The following GALNTL6 variants were observed in gnomAD, a reference collection of about 807,000 sequenced individuals.
The protein encoded by GALNTL6 is polypeptide N-acetylgalactosaminyltransferase like 6.
In GALNTL6, 46 loss-of-function variants were observed where a neutral mutation model predicts 73.7. The observed-to-expected ratio is 0.62, with a 90% CI of 0.49 to 0.80. The LOEUF is 0.80. Among genes scored for constraint, GALNTL6 ranks in the 30% least tolerant of loss-of-function variants. The pLI, the probability that GALNTL6 is intolerant of heterozygous loss-of-function variation, is 0.00. For synonymous variants in GALNTL6, 259 were observed against 263.7 expected (o/e 0.98, Z 0.17); for missense variants, 604 against 755.0 (o/e 0.80, Z 2.34).
At chr4:172,429,049 A>T (rs536931615) in intron 5 of GALNTL6, among the ~76,000 whole-genome samples, 174 of 152,192 alleles carry the variant, frequency 1.1e-3, no homozygotes, top group African/African-American at 4.2e-3. Context: ...ACGTCTTCTC[A>T]CTGTCTTCAC....
chr4:172,699,329 T>A (rs918888870), intron 5 of GALNTL6, among the ~76,000 whole-genome samples: 1 of 152,204 alleles, frequency 6.6e-6, no homozygotes, highest in Non-Finnish European at 1.5e-5. Context: ...TTTTCATAAA[T>A]GTATGTGTGT....
At chr4:172,847,147 T>C (rs17318218) in intron 7 of GALNTL6, among the ~76,000 whole-genome samples, 75,018 of 152,082 alleles carry the variant, frequency 0.49, 21,905 homozygotes, top group East Asian at 0.91. Context: ...ACTTGACCTA[T>C]GGCAAACATG....
At chr4:172,841,937 G>T (rs985966802) in intron 7 of GALNTL6, among the ~76,000 whole-genome samples, 1 of 152,144 alleles carries the variant, frequency 6.6e-6, no homozygotes, top group Non-Finnish European at 1.5e-5. Context: ...GATAATAACA[G>T]CTGCCATTCA....
At position 172,484,008 on chromosome 4, in the gene GALNTL6, G is replaced by A. The variant is rs559638972; in HGVS notation, c.553+135319G>A. 9.9e-5 allele frequency among the ~76,000 whole-genome samples: 15 copies of A among 152,262 alleles called. No homozygotes were observed. The East Asian group carries it at 1.9e-3, about 20-fold the overall frequency. ...ATGTGTATTTCGTAGGATCTTCACC[G>A]AAGGAAAAGTTTAATCTTTGGGTTT... is the stretch of plus-strand genomic sequence containing the variant. On this transcript the variant is annotated intron_variant, in intron 5 of 12. Coordinates refer to ENST00000506823, the MANE Select transcript of GALNTL6 (RefSeq NM_001034845.3).
chr4:172,104,138 G>A (rs1202314137), intron 2 of GALNTL6, among the ~76,000 whole-genome samples: 6 of 151,904 alleles, frequency 3.9e-5, no homozygotes, highest in Non-Finnish European at 4.4e-5. Flanking sequence ...TAAAGACGGG[G>A]TTTCACCCTG....
At chr4:172,155,001 CTTT>C (rs200223937) in intron 2 of GALNTL6, among the ~76,000 whole-genome samples, 1 of 143,976 alleles carries the variant, frequency 6.9e-6, no homozygotes. Context: ...AAATCGTATC[CTTT>C]TTTTTTTTTT....
chr4:172,657,426 T>C (rs902011208), intron 5 of GALNTL6, among the ~76,000 whole-genome samples: 2 of 152,224 alleles, frequency 1.3e-5, no homozygotes, highest in African/African-American at 2.4e-5. Flanking sequence ...AATAAGCCCA[T>C]AGCTGCTAGC....
intron 5 of GALNTL6, among the ~76,000 whole-genome samples, chr4:172,798,570 CT>C (rs1740418787): frequency 6.6e-6 from 1 of 152,180 alleles, no homozygotes; most frequent in African/African-American, 2.4e-5. Context: ...CCAATTAAAC[CT>C]CTTTTCTTTA....
Position 172,311,599 on chromosome 4 carries a change from G to A in GALNTL6, c.248-15G>A, listed in dbSNP as rs368378395. On this transcript the variant is annotated splice_polypyrimidine_tract_variant and intron_variant, in intron 3 of 12. Transcript: ENST00000506823. Reference sequence around the variant, plus strand: ...TTTATAGAGATGATAATCTCATTTTGTTTTCTCCTGCTAGGGAAAGGTGAA... The same window carrying A: ...TTTATAGAGATGATAATCTCATTTTATTTTCTCCTGCTAGGGAAAGGTGAA... The A allele has an allele frequency of 3.1e-6, 5 of 1,588,282 alleles. No homozygotes were observed. Among genetic ancestry groups the A allele is most frequent in the Non-Finnish European group, 4.3e-6 (5 of 1,167,164 alleles).
chr4:172,114,723 C>A (rs942059191), intron 2 of GALNTL6, among the ~76,000 whole-genome samples: 1 of 152,000 alleles, frequency 6.6e-6, no homozygotes, highest in Non-Finnish European at 1.5e-5. Flanking sequence ...CTTGGAAGTT[C>A]AAACACAAAT....
intron 2 of GALNTL6, among the ~76,000 whole-genome samples, chr4:172,031,369 G>T (rs1319187680): frequency 6.6e-6 from 1 of 152,084 alleles, no homozygotes; most frequent in African/African-American, 2.4e-5. Flanking sequence ...AAACTCCAAT[G>T]GGGTACAAGA....
At chr4:172,886,929 C>G (rs1463820057) in intron 8 of GALNTL6, among the ~76,000 whole-genome samples, 1 of 152,234 alleles carries the variant, frequency 6.6e-6, no homozygotes, top group South Asian at 2.1e-4. Flanking sequence ...GAATGCATCA[C>G]CCACATAGTG....
At chr4:171,857,618 A>C (rs1323220734) in intron 2 of GALNTL6, among the ~76,000 whole-genome samples, 1 of 152,180 alleles carries the variant, frequency 6.6e-6, no homozygotes. Context: ...GAAAAATTAA[A>C]TGATTAATGA....
rs548344011 is a variant in GALNTL6, at chr4:172,341,554, A to G, written c.387-6969A>G. Among the ~76,000 whole-genome samples, 5 of 151,618 alleles carry G rather than the reference A, an allele frequency of 3.3e-5. No individual in the cohort carries two copies. In the East Asian group the frequency reaches 9.7e-4, roughly 29 times the overall value. On this transcript the variant is annotated intron_variant, in intron 4 of 12. Coordinates refer to ENST00000506823, the MANE Select transcript of GALNTL6 (RefSeq NM_001034845.3). The stretch of plus-strand genomic sequence containing the variant: ...TCATCTTGTAGCTCCCATAATTCCC[A>G]CGTGTTGTGGGGAGGGACCTGGTTG...
chr4:171,853,645 C>G (rs1445257386), intron 2 of GALNTL6, among the ~76,000 whole-genome samples: 3 of 98,602 alleles, frequency 3.0e-5, no homozygotes, highest in Admixed American at 1.7e-4. Flanking sequence ...GAGTCTTGCT[C>G]TGTCGCCCAG....
rs993169408 is a variant in GALNTL6 at position 172,882,876 on chromosome 4, G to C, written c.1010G>C (p.Trp337Ser). Residue 337 changes from tryptophan (W) to serine (S), a missense_variant, in exon 8 of 13, where the codon TGG becomes TCG. Physicochemically the swap from Trp to Ser is radical, Grantham distance 177 (BLOSUM62 -3). Coordinates refer to ENST00000506823, the MANE Select transcript of GALNTL6 (RefSeq NM_001034845.3). ...GGCTATGATCCAGGTTTAGAAATCT[G>C]GGGAGGAGAACAGTATGAAATCTCT... ...LGGYDPGLEI[W>S]GGEQYEISFK... 2 of 1,607,382 alleles carry C rather than the reference G, an allele frequency of 1.2e-6. No individual in the cohort carries two copies. Among genetic ancestry groups the C allele is most frequent in the Non-Finnish European group, 1.7e-6 (2 of 1,174,238 alleles).
intron 5 of GALNTL6, among the ~76,000 whole-genome samples, chr4:172,553,335 C>T (rs1387301506): frequency 6.6e-6 from 1 of 152,144 alleles, no homozygotes; most frequent in Non-Finnish European, 1.5e-5. Context: ...CCAGGAAAAG[C>T]CAGTCTTGCT....
chr4:172,943,788 A>G (rs1379557166), intron 9 of GALNTL6, among the ~76,000 whole-genome samples: 1 of 152,254 alleles, frequency 6.6e-6, no homozygotes, highest in East Asian at 1.9e-4. Flanking sequence ...CCTGATTGAT[A>G]TATGCAAGAA....
intron 10 of GALNTL6, among the ~76,000 whole-genome samples, chr4:173,003,315 T>C (rs1175424526): frequency 2.6e-5 from 4 of 152,034 alleles, no homozygotes; most frequent in Non-Finnish European, 5.9e-5. Context: ...AATTGCCAAA[T>C]TGAGATCTTG....
Sources: allele counts gnomAD v4.1 joint callset (sites outside exome capture counted in the v4.1 genomes callset), GRCh38; gene constraint gnomAD v4.1.1; transcripts MANE v1.5; gene names NCBI Gene and HGNC (gene_info 2026-07-23, HGNC 2026-07-21).